Variants in DAB1 observed in about 807,000 individuals in gnomAD.
The protein encoded by DAB1 is DAB adaptor protein 1.
DAB1 carries 15 observed loss-of-function variants against 64.6 expected under a neutral mutation model. That is an observed-to-expected ratio of 0.23 (90% CI 0.16 to 0.36). The LOEUF (loss-of-function observed/expected upper bound fraction) is 0.36. DAB1 is among the 10% of genes least tolerant of loss of function. The probability of loss-of-function intolerance (pLI) is 1.00; values close to 1 mark genes in which losing one functional copy is unlikely to be tolerated. For missense variants in DAB1, 596 were observed against 706.7 expected, an observed-to-expected ratio of 0.84 and a Z score of 1.78; for synonymous variants, 235 against 251.9, an observed-to-expected ratio of 0.93 and a Z score of 0.64.
intron 7 of DAB1, among the ~76,000 whole-genome samples, chr1:57,431,543 G>C (rs966381868): frequency 6.6e-6 from 1 of 152,130 alleles, no homozygotes; most frequent in Non-Finnish European, 1.5e-5. Context: ...TCCAGCGAAA[G>C]GTTGTGTGGC....
At chr1:57,888,750 A>G (rs774633762), upstream of DAB1, among the ~76,000 whole-genome samples, 5 of 152,266 alleles carry the variant, frequency 3.3e-5, no homozygotes, top group Non-Finnish European at 5.9e-5. Flanking sequence ...TAAATCAGAT[A>G]GTGCACAAAT....
At chr1:57,481,469 C>T (rs1644018257) in intron 7 of DAB1, among the ~76,000 whole-genome samples, 3 of 152,102 alleles carry the variant, frequency 2.0e-5, no homozygotes, top group African/African-American at 7.2e-5. Context: ...GAGAGCCATC[C>T]CATGGGAGCT....
At chr1:58,145,346 G>A (rs140766157) in intron 5 of DAB1, among the ~76,000 whole-genome samples, 14 of 152,232 alleles carry the variant, frequency 9.2e-5, no homozygotes, top group African/African-American at 3.1e-4. Context: ...AATTGAACTG[G>A]TGGCCATTAT....
chr1:58,259,233 C>T (rs1047245417), intron 4 of DAB1, among the ~76,000 whole-genome samples: 1 of 152,158 alleles, frequency 6.6e-6, no homozygotes, highest in African/African-American at 2.4e-5. Context: ...GCAGTGTGCA[C>T]ATGCCCAAAG....
At chr1:58,237,267 G>C (rs1368542755) in intron 4 of DAB1, among the ~76,000 whole-genome samples, 1 of 152,184 alleles carries the variant, frequency 6.6e-6, no homozygotes, top group Admixed American at 6.5e-5. Context: ...AGAGGAAAAA[G>C]AAGGTATTTT....
At chr1:57,149,131 T>C (rs757555998) in intron 2 of DAB1, among the ~76,000 whole-genome samples, 6 of 152,226 alleles carry the variant, frequency 3.9e-5, no homozygotes, top group Non-Finnish European at 8.8e-5. Context: ...TTTCTTTTAC[T>C]TAGCAGCATG....
At chr1:58,138,238 T>C (rs1396148026) in intron 5 of DAB1, among the ~76,000 whole-genome samples, 1 of 152,162 alleles carries the variant, frequency 6.6e-6, no homozygotes, top group Non-Finnish European at 1.5e-5. Context: ...CAGAGAAGTA[T>C]AAAACTTGCC....
chr1:58,502,111 T>C (rs1036991079), intron 3 of DAB1, among the ~76,000 whole-genome samples: 1 of 152,232 alleles, frequency 6.6e-6, no homozygotes, highest in Non-Finnish European at 1.5e-5. Context: ...TAAAAGTTGA[T>C]AAGCTACAGT....
intron 4 of DAB1, among the ~76,000 whole-genome samples, chr1:58,236,324 G>T (rs540604365): frequency 3.3e-5 from 5 of 152,212 alleles, no homozygotes; most frequent in African/African-American, 1.2e-4. Flanking sequence ...AGCTCATTTA[G>T]CAGGGAACAA....
intron 9 of DAB1, among the ~76,000 whole-genome samples, chr1:57,060,942 C>T (rs748352027): frequency 7.9e-5 from 12 of 151,792 alleles, no homozygotes; most frequent in Non-Finnish European, 1.5e-4. Context: ...TGTTTCCTTA[C>T]GTATCTAAAC....
chr1:57,120,812 G>C (rs1183393084), intron 4 of DAB1, among the ~76,000 whole-genome samples: 1 of 152,156 alleles, frequency 6.6e-6, no homozygotes, highest in Non-Finnish European at 1.5e-5. Context: ...GGGTGAGTAG[G>C]AGTCCATTGC....
chr1:57,537,212 C>T lies in DAB1; in HGVS notation n.625+112380G>A, dbSNP rs144416998. ...ACATGTGAGTCACATTATATTTTTA[C>T]TGGACAGAGCTGCTCTAGTAGACTG... On this transcript the variant is annotated intron_variant and non_coding_transcript_variant, in intron 7 of 20. Coordinates refer to the DAB1 transcript ENST00000485760. 2.1e-3 allele frequency among the ~76,000 whole-genome samples: 323 copies of T among 152,282 alleles called. 4 individuals carry two copies. Among genetic ancestry groups the T allele is most frequent in the African/African-American group, 7.2e-3 (299 of 41,552 alleles).
chr1:57,926,483 G>A (rs1383120248), intron 5 of DAB1, among the ~76,000 whole-genome samples: 3 of 152,158 alleles, frequency 2.0e-5, no homozygotes, highest in Non-Finnish European at 4.4e-5. Flanking sequence ...GTTGAACAAG[G>A]TGTCAAGGGC....
intron 1 of DAB1, among the ~76,000 whole-genome samples, chr1:58,539,461 C>T (rs1343041700): frequency 2.6e-5 from 4 of 152,156 alleles, no homozygotes; most frequent in East Asian, 1.9e-4. Flanking sequence ...CCTAGAGCAA[C>T]GCCTTTCAGC....
chr1:57,880,811 C>A (rs1289779098), intron 1 of DAB1: 1 of 152,192 alleles, frequency 6.6e-6, no homozygotes, highest in African/African-American at 2.4e-5. Flanking sequence ...GACTCCAAAT[C>A]AATGTATTAA....
chr1:57,970,876 C>CA (rs1382237144), intron 5 of DAB1, among the ~76,000 whole-genome samples: 7 of 150,762 alleles, frequency 4.6e-5, no homozygotes, highest in African/African-American at 7.3e-5. Flanking sequence ...CTATGAGAGA[C>CA]AAAAAAAAAC....
intron 4 of DAB1, among the ~76,000 whole-genome samples, chr1:58,280,483 C>T (rs949700785): frequency 6.6e-6 from 1 of 152,118 alleles, no homozygotes; most frequent in African/African-American, 2.4e-5. Flanking sequence ...AAATGGGGAT[C>T]GTAGCAATGC....
At chr1:57,347,606 C>G (rs543427081) in intron 1 of DAB1, among the ~76,000 whole-genome samples, 1 of 152,266 alleles carries the variant, frequency 6.6e-6, no homozygotes, top group Non-Finnish European at 1.5e-5. Flanking sequence ...TAAGTGATTT[C>G]AAGATCTCAT....
At chr1:58,524,155 C>G (rs369343759) in intron 2 of DAB1, among the ~76,000 whole-genome samples, 1 of 152,304 alleles carries the variant, frequency 6.6e-6, no homozygotes, top group East Asian at 1.9e-4. Context: ...TCCCTTCTGC[C>G]TTAAATCTTG....
Sources: gnomAD v4.1 joint callset for allele counts (sites outside exome capture counted in the v4.1 genomes callset) on GRCh38, gnomAD v4.1.1 for gene constraint, MANE v1.5 for transcripts, NCBI Gene and HGNC (gene_info 2026-07-23, HGNC 2026-07-21) for gene names.